GPR149: variants seen among roughly 807,000 people sequenced by gnomAD.
The protein encoded by GPR149 is G protein-coupled receptor 149, also known as probable G protein-coupled receptor 149.
Under a neutral mutation model 50.2 loss-of-function variants are expected in GPR149, and 50 were observed. The observed-to-expected ratio is 1.00, with a 90% CI of 0.79 to 1.26. GPR149 has a LOEUF of 1.26. GPR149 is among the 50% of genes most tolerant of loss of function. GPR149 has a pLI of 0.00. For missense variants in GPR149, 983 were observed against 895.4 expected, an observed-to-expected ratio of 1.10 and a Z score of -1.25; for synonymous variants, 405 against 358.2, an observed-to-expected ratio of 1.13 and a Z score of -1.48.
chr3:154,409,219 C>T (rs1576925894), intron 3 of GPR149, among the ~76,000 whole-genome samples: 1 of 152,172 alleles, frequency 6.6e-6, no homozygotes, highest in African/African-American at 2.4e-5. Context: ...GACAAAAGAA[C>T]CTGAACAGCA....
In GPR149 at chr3:154,429,217, C is replaced by A. The variant is rs773892252; in HGVS notation, c.399G>T (p.Thr133=). 1.9e-6 allele frequency: 3 copies of A among 1,614,144 alleles called. No individual in the cohort carries two copies. In the East Asian group the frequency reaches 6.7e-5, roughly 36 times the overall value. Residue 133 remains threonine (T), a synonymous_variant, in exon 1 of 4, where the codon ACG becomes ACT. Transcript: ENST00000389740. ...ATLLVSYNFY[T]MHRGVGSQTA... ...TCTGGCTCCCCACACCTCTGTGCAT[C>A]GTATAAAAGTTGTAAGAGACTAGGA...
chr3:154,354,087 A>G (rs1318624665), intron 3 of GPR149: 2 of 466,774 alleles, frequency 4.3e-6, no homozygotes, highest in African/African-American at 4.2e-5. Context: ...AATTTATCTG[A>G]AAGTCTACAA....
chr3:154,340,553 A>G (rs1713767189), intron 3 of GPR149, among the ~76,000 whole-genome samples: 1 of 152,222 alleles, frequency 6.6e-6, no homozygotes, highest in African/African-American at 2.4e-5. Context: ...GACCCCACAG[A>G]TGATTGGATG....
intron 3 of GPR149, among the ~76,000 whole-genome samples, chr3:154,383,304 C>T (rs1047663771): frequency 6.6e-6 from 1 of 152,160 alleles, no homozygotes; most frequent in Non-Finnish European, 1.5e-5. Context: ...TTTATGCCAT[C>T]TCAGACTTAA....
Position 154,353,536 on chromosome 3 carries a change from G to A in GPR149, c.1624-15265C>T, listed in dbSNP as rs528232445. The A allele has an allele frequency of 2.0e-5, 19 of 927,562 alleles. 1 individual carries two copies. The South Asian group carries it at 2.4e-4, about 12-fold the overall frequency. The allele number at this position is 927,562 out of a possible 1,614,324, so 57.5% of individuals were successfully genotyped here. A position where few individuals can be genotyped will look rare whatever the true frequency, so the allele number is the denominator to read the frequency against. On this transcript the variant is annotated intron_variant, in intron 3 of 3. Transcript: ENST00000389740. Reference sequence around the variant, plus strand: ...TGCAGATGATCTTTGATATGACCAGGGGTTCCAACCAAGATGTCAATACCA... The same window carrying A: ...TGCAGATGATCTTTGATATGACCAGAGGTTCCAACCAAGATGTCAATACCA...
At chr3:154,398,040 T>C (rs1403429334) in intron 3 of GPR149, among the ~76,000 whole-genome samples, 1 of 150,448 alleles carries the variant, frequency 6.6e-6, no homozygotes, top group Non-Finnish European at 1.5e-5. Context: ...GTGCTACACA[T>C]TCTTTATATC....
intron 3 of GPR149, 31 bp from the exon 4 acceptor site, chr3:154,338,302 A>C (rs761498236): frequency 1.4e-5 from 20 of 1,480,186 alleles, no homozygotes; most frequent in Middle Eastern, 1.8e-4. Context: ...GTTATTGTTG[A>C]AAGCTAGGTT....
At chr3:154,397,000 C>G (rs1715308661) in intron 3 of GPR149, among the ~76,000 whole-genome samples, 1 of 151,888 alleles carries the variant, frequency 6.6e-6, no homozygotes, top group East Asian at 1.9e-4. Context: ...ATAATGCCAG[C>G]CTTGTAACTT....
Position 154,428,971 on chromosome 3 carries a change from T to C in GPR149, c.645A>G (p.Arg215=). The change falls in exon 1 of 4, where the codon CGA becomes CGG. Residue 215 remains arginine, a synonymous_variant. Coordinates refer to ENST00000389740, the MANE Select transcript of GPR149 (RefSeq NM_001038705.3). ...LVGLSVPLTH[R]LLCSEEPPRL... is the part of the protein sequence containing the mutation. ...TCGGCGGCTCCTCCGAACACAGCAATCGGTGAGTGAGTGGGACTGAGAGGC... is the reference window on the plus strand; with the variant it reads ...TCGGCGGCTCCTCCGAACACAGCAACCGGTGAGTGAGTGGGACTGAGAGGC... The C allele has an allele frequency of 6.2e-7, 1 of 1,613,318 alleles. No homozygotes were observed. Among genetic ancestry groups the C allele is most frequent in the Non-Finnish European group, 8.5e-7 (1 of 1,179,794 alleles).
intron 3 of GPR149, among the ~76,000 whole-genome samples, chr3:154,344,123 C>T (rs945789761): frequency 1.3e-5 from 2 of 152,162 alleles, no homozygotes; most frequent in Non-Finnish European, 2.9e-5. Flanking sequence ...ATAGCACTCT[C>T]AAAGAGTCCA....
chr3:154,408,646 C>A (rs1360031257), intron 3 of GPR149, among the ~76,000 whole-genome samples: 1 of 152,162 alleles, frequency 6.6e-6, no homozygotes, highest in Non-Finnish European at 1.5e-5. Flanking sequence ...GACAGGGAAC[C>A]ACACCCCCAT....
At chr3:154,405,820 A>G (rs1711671405) in intron 3 of GPR149, among the ~76,000 whole-genome samples, 1 of 151,910 alleles carries the variant, frequency 6.6e-6, no homozygotes, top group Admixed American at 6.5e-5. Context: ...TAATTAAGCC[A>G]TACAAGTACT....
chr3:154,351,874 C>A (rs536269973), intron 3 of GPR149, among the ~76,000 whole-genome samples: 1 of 152,154 alleles, frequency 6.6e-6, no homozygotes, highest in South Asian at 2.1e-4. Flanking sequence ...AAAATGTTAT[C>A]TTTTCAAATG....
chr3:154,409,260 T>C (rs1254331682), intron 3 of GPR149, among the ~76,000 whole-genome samples: 1 of 152,180 alleles, frequency 6.6e-6, no homozygotes, highest in Admixed American at 6.5e-5. Flanking sequence ...CCCTCTGACA[T>C]AGTCTGCCCA....
Position 154,428,874 on chromosome 3 carries a change from C to T in GPR149, c.742G>A (p.Val248Met). 3 of 1,613,988 alleles carry T rather than the reference C, an allele frequency of 1.9e-6. No individual in the cohort carries two copies. The highest frequency in any genetic ancestry group is 2.5e-6 in the Non-Finnish European group (3 of 1,179,944). Residue 248 changes from valine to methionine, a missense_variant, in exon 1 of 4, where the codon GTG becomes ATG. Val to Met is a conservative substitution (Grantham distance 21, BLOSUM62 1). Coordinates refer to ENST00000389740, the MANE Select transcript of GPR149 (RefSeq NM_001038705.3). ...GCATCCTCTGGGGACAGGGAAACCA[C>T]TCTCCCCGCAGTAGGAGGGGTCCCA... ...IPGTPPTAGR[V>M]VSLSPEDAPG...
intron 3 of GPR149, among the ~76,000 whole-genome samples, chr3:154,347,451 A>G (rs991601249): frequency 2.3e-4 from 35 of 152,206 alleles, no homozygotes; most frequent in African/African-American, 8.2e-4. Flanking sequence ...GAACAGCAGC[A>G]TGGGGGTAAC....
At chr3:154,426,408 C>G (rs1444023416) in intron 2 of GPR149, among the ~76,000 whole-genome samples, 1 of 152,040 alleles carries the variant, frequency 6.6e-6, no homozygotes, top group African/African-American at 2.4e-5. Flanking sequence ...CTTTGATATC[C>G]TCTAGATTTT....
In GPR149 at chr3:154,338,096, T is replaced by A; in HGVS notation, c.1799A>T (p.Glu600Val). ...EVYRSKSVGHEPNSEDSSSTF... is the reference protein window; with the variant it reads ...EVYRSKSVGHVPNSEDSSSTF... The stretch of plus-strand genomic sequence containing the variant: ...GGATGAAGAATCTTCTGAGTTTGGT[T>A]CATGGCCAACACTTTTGGATCGATA... The change falls in exon 4 of 4, where the codon GAA (glutamate) becomes GTA (valine). Residue 600 changes from glutamate to valine, a missense_variant. By Grantham distance (121) the Glu-to-Val change is moderately radical (BLOSUM62 -2). Coordinates refer to ENST00000389740, the MANE Select transcript of GPR149 (RefSeq NM_001038705.3). The A allele has an allele frequency of 6.2e-7, 1 of 1,614,176 alleles. No individual in the cohort carries two copies. Among genetic ancestry groups the A allele is most frequent in the Non-Finnish European group, 8.5e-7 (1 of 1,180,026 alleles).
chr3:154,370,743 C>T (rs1714645793), intron 3 of GPR149, among the ~76,000 whole-genome samples: 1 of 152,166 alleles, frequency 6.6e-6, no homozygotes, highest in African/African-American at 2.4e-5. Flanking sequence ...CAGTTTTAAT[C>T]TCCTGCCCTG....
Sources: allele counts gnomAD v4.1 joint callset (sites outside exome capture counted in the v4.1 genomes callset), GRCh38; gene constraint gnomAD v4.1.1; transcripts MANE v1.5; gene names NCBI Gene and HGNC (gene_info 2026-07-23, HGNC 2026-07-21).